The following SLC17A5 variants were observed in gnomAD, a reference collection of about 807,000 sequenced individuals.
SLC17A5 encodes solute carrier family 17 member 5, also known as sialin.
Under a neutral mutation model 59.4 loss-of-function variants are expected in SLC17A5, and 47 were observed. That is an observed-to-expected ratio of 0.79 (90% CI 0.63 to 1.01). SLC17A5 has a LOEUF of 1.01. SLC17A5 is among the 50% of genes least tolerant of loss of function. SLC17A5 has a pLI of 0.00. For synonymous variants in SLC17A5, 202 were observed against 210.7 expected (o/e 0.96, Z 0.36); for missense variants, 522 against 595.5 (o/e 0.88, Z 1.28).
At chr6:73,623,086 G>C (rs918144445) in intron 6 of SLC17A5, among the ~76,000 whole-genome samples, 1 of 152,128 alleles carries the variant, frequency 6.6e-6, no homozygotes, top group Non-Finnish European at 1.5e-5. Context: ...ACCCAGGCTG[G>C]AGTGCAGTGG....
intron 6 of SLC17A5, among the ~76,000 whole-genome samples, chr6:73,626,024 A>G (rs1768393223): frequency 1.3e-5 from 2 of 152,204 alleles, no homozygotes; most frequent in Admixed American, 1.3e-4. Flanking sequence ...TGGCTTTGAA[A>G]TCCACAAAGG....
intron 9 of SLC17A5, among the ~76,000 whole-genome samples, chr6:73,601,997 G>T (rs1006452449): frequency 8.2e-4 from 124 of 151,836 alleles, no homozygotes; most frequent in Middle Eastern, 3.4e-3. Context: ...GGAATAGAAA[G>T]GGGGGAAAGG....
At chr6:73,598,005 G>A (rs1431567710) in intron 10 of SLC17A5, among the ~76,000 whole-genome samples, 11 of 152,164 alleles carry the variant, frequency 7.2e-5, no homozygotes, top group Non-Finnish European at 1.6e-4. Context: ...AAATTCTGCT[G>A]AGGAATCAGT....
intron 9 of SLC17A5, among the ~76,000 whole-genome samples, chr6:73,603,978 C>T (rs1412679437): frequency 2.0e-5 from 3 of 151,752 alleles, no homozygotes; most frequent in Non-Finnish European, 4.4e-5. Flanking sequence ...AAAAAAAGTG[C>T]TGCTTAACTA....
At chr6:73,600,258 T>G in intron 10 of SLC17A5, 93 bp downstream of exon 10, 2 of 963,138 alleles carry the variant, frequency 2.1e-6, no homozygotes, top group Non-Finnish European at 3.3e-6. Flanking sequence ...ATAAGAACAT[T>G]TAGAATTTTA....
At position 73,600,357 on chromosome 6, in the gene SLC17A5, G is replaced by T; in HGVS notation, c.1344C>A (p.Thr448=). The T allele has an allele frequency of 6.2e-7, 1 of 1,612,338 alleles. No homozygotes were observed. Among genetic ancestry groups the T allele is most frequent in the Non-Finnish European group, 8.5e-7 (1 of 1,178,490 alleles). The change falls in exon 10 of 11, where the codon ACC becomes ACA. Residue 448 remains threonine, a synonymous_variant. Coordinates refer to ENST00000355773, the MANE Select transcript of SLC17A5 (RefSeq NM_012434.5). Reference sequence around the variant, plus strand: ...AAGTAAATTATCTACTTACATCAGGGGTCAGACTTTTAGCAATGACGGGCC... The same window carrying T: ...AAGTAAATTATCTACTTACATCAGGTGTCAGACTTTTAGCAATGACGGGCC... ...MVGPVIAKSL[T]PDNTVGEWQT...
At chr6:73,645,282 T>A (rs1228712920) in intron 1 of SLC17A5, 8 of 982,966 alleles carry the variant, frequency 8.1e-6, no homozygotes, top group African/African-American at 1.7e-5. Context: ...CTTGATAAAT[T>A]TCTTACCTCG....
chr6:73,636,694 C>T lies in SLC17A5; in HGVS notation c.627G>A (p.Gly209=). Residue 209 remains glycine (G), a synonymous_variant, in exon 5 of 11, where the codon GGG becomes GGA. Transcript: ENST00000355773. ...CAGAAAGAGGAAGAGAAATTACTGT[C>T]CCAAGCTGTGCTCCTAGAACAACAC... ...LSISYAGAQL[G]TVISLPLSGI... is the part of the protein sequence containing the mutation. The T allele has an allele frequency of 6.2e-7, 1 of 1,610,154 alleles. No individual in the cohort carries two copies.
chr6:73,650,383 C>T (rs938888658), intron 1 of SLC17A5, among the ~76,000 whole-genome samples: 1 of 150,804 alleles, frequency 6.6e-6, no homozygotes, highest in Non-Finnish European at 1.5e-5. Context: ...GTGGCGGGTG[C>T]CTGTAGTCCC....
chr6:73,616,475 TTATC>T (rs1161789000), intron 7 of SLC17A5, among the ~76,000 whole-genome samples: 1 of 151,678 alleles, frequency 6.6e-6, no homozygotes, highest in Admixed American at 6.6e-5. Context: ...TTCTTACAAT[TTATC>T]TATTTCTTAA....
Position 73,594,841 on chromosome 6 carries a change from A to G in SLC17A5, c.*236T>C. On this transcript the variant is annotated 3_prime_UTR_variant, in exon 11 of 11. Transcript: ENST00000355773. ...CTGTCCTACTTCATGTTGCCCGACT[A>G]GCAGGCAGGTATGTGAACCTAAAGT... The G allele has an allele frequency of 1.9e-6, 1 of 523,938 alleles. No homozygotes were observed. The highest frequency in any genetic ancestry group is 3.4e-6 in the Non-Finnish European group (1 of 292,986). The allele number at this position is 523,938 out of a possible 1,614,324, so 32.5% of individuals were successfully genotyped here.
In SLC17A5 at chr6:73,638,444, T is replaced by C; in HGVS notation, c.581A>G (p.Glu194Gly). ...AMWSSWAPPL[E>G]RSKLLSISYA... ...TGAAATGCTAAGAAGTTTGCTTCTT[T>C]CAAGAGGGGGAGCCCAAGAAGACCA... Residue 194 changes from glutamate (E) to glycine (G), a missense_variant, in exon 4 of 11, where the codon GAA becomes GGA. By Grantham distance (98) the Glu-to-Gly change is moderately conservative (BLOSUM62 -2). Around this residue, in one of 3 missense-constraint regions of SLC17A5, gnomAD observed 338 missense variants for 363.8 expected, o/e 0.93. Transcript: ENST00000355773. 6.2e-7 allele frequency: 1 copy of C among 1,614,070 alleles called. No individual in the cohort carries two copies. The highest frequency in any genetic ancestry group is 1.1e-5 in the South Asian group (1 of 91,084).
At chr6:73,618,383 A>T (rs540276269) in intron 7 of SLC17A5, 5 of 295,102 alleles carry the variant, frequency 1.7e-5, no homozygotes, top group African/African-American at 8.7e-5. Context: ...TCTCCAGAAG[A>T]GGAGAAGAGG....
intron 6 of SLC17A5, among the ~76,000 whole-genome samples, chr6:73,629,030 G>A (rs904016212): frequency 3.9e-5 from 6 of 152,088 alleles, no homozygotes; most frequent in African/African-American, 1.4e-4. Flanking sequence ...GATTTGCTTC[G>A]CAATGCTGCA....
chr6:73,642,961 G>A (rs1769357303), intron 2 of SLC17A5, among the ~76,000 whole-genome samples: 1 of 152,122 alleles, frequency 6.6e-6, no homozygotes, highest in South Asian at 2.1e-4. Context: ...AGTGAGTGAT[G>A]TGTACCCAAA....
In SLC17A5 at chr6:73,621,909, A is replaced by G. The variant is rs746795819; in HGVS notation, c.873T>C (p.Leu291=). The part of the protein sequence containing the change: ...PWVPILKSLP[L]WAIVVAHFSY... The stretch of plus-strand genomic sequence containing the variant: ...AAAAGTGTGCAACTACGATAGCCCA[A>G]AGTGGCAGGGATTTTAAAATGGGTA... The change falls in exon 7 of 11, where the codon CTT becomes CTC. Residue 291 remains leucine (L), a synonymous_variant. Transcript: ENST00000355773. 3.6e-5 allele frequency: 58 copies of G among 1,613,926 alleles called. 1 individual carries two copies. The South Asian group carries it at 6.3e-4, about 17-fold the overall frequency.
At chr6:73,646,295 CATT>C (rs1260218499) in intron 1 of SLC17A5, among the ~76,000 whole-genome samples, 2 of 152,072 alleles carry the variant, frequency 1.3e-5, no homozygotes, top group Admixed American at 1.3e-4. Flanking sequence ...TAGACTGAAA[CATT>C]AATGAATATG....
At chr6:73,641,218 T>C (rs1769266247) in intron 3 of SLC17A5, among the ~76,000 whole-genome samples, 1 of 152,150 alleles carries the variant, frequency 6.6e-6, no homozygotes, top group Non-Finnish European at 1.5e-5. Flanking sequence ...TAGCTGCAAT[T>C]ACAGGTGTGC....
chr6:73,634,494 G>C (rs1768908916), intron 6 of SLC17A5, among the ~76,000 whole-genome samples: 1 of 152,186 alleles, frequency 6.6e-6, no homozygotes, highest in Non-Finnish European at 1.5e-5. Flanking sequence ...CTGCCTCCTG[G>C]GTTCAAGGAA....
Sources: gnomAD v4.1 joint callset for allele counts (sites outside exome capture counted in the v4.1 genomes callset) on GRCh38, gnomAD v4.1.1 for gene constraint, gnomAD v4.1.1 regional missense constraint, MANE v1.5 for transcripts, NCBI Gene and HGNC (gene_info 2026-07-23, HGNC 2026-07-21) for gene names.